The following GLT1D1 variants were observed in gnomAD, a reference collection of about 807,000 sequenced individuals.
The protein encoded by GLT1D1 is glycosyltransferase 1 domain-containing protein 1.
A neutral mutation model predicts 28.7 loss-of-function variants in GLT1D1; 21 were observed. The observed-to-expected ratio is 0.73, with a 90% CI of 0.52 to 1.05. The LOEUF (loss-of-function observed/expected upper bound fraction) is 1.05. Among genes scored for constraint, GLT1D1 ranks in the 50% least tolerant of loss-of-function variants. The pLI, the probability that GLT1D1 is intolerant of heterozygous loss-of-function variation, is 0.00. For missense variants in GLT1D1, 343 were observed against 330.6 expected (o/e 1.04, Z -0.29); for synonymous variants, 147 against 124.8 (o/e 1.18, Z -1.19).
chr12:128,957,483 A>T, intron 6 of GLT1D1, 62 bp from the exon 11 acceptor site: 1 of 1,149,794 alleles, frequency 8.7e-7, no homozygotes. Flanking sequence ...GCCCTGACTC[A>T]TCTTGCCGCA....
In GLT1D1 at chr12:128,876,066, A is replaced by T. The variant is rs1222271848; in HGVS notation, c.217+4A>T. ...AGGGGAGGCAGGCTTTTGCAAGGTA[A>T]TCCTCTTTTTCTTCAAAAGTAAAAC... On this transcript the variant is annotated splice_donor_region_variant and intron_variant, in intron 2 of 7. Transcript: ENST00000281703. The T allele has an allele frequency of 1.3e-6, 2 of 1,595,696 alleles. No homozygotes were observed. Among genetic ancestry groups the T allele is most frequent in the South Asian group, 1.1e-5 (1 of 87,730 alleles).
intron 7 of GLT1D1, among the ~76,000 whole-genome samples, chr12:128,970,246 G>T (rs544508242): frequency 6.6e-6 from 1 of 152,296 alleles, no homozygotes; most frequent in East Asian, 1.9e-4. Context: ...CTCAGCCCCT[G>T]CCTGTTGCAG....
intron 4 of GLT1D1, among the ~76,000 whole-genome samples, chr12:128,916,070 A>C (rs896442030): frequency 6.6e-6 from 1 of 152,194 alleles, no homozygotes. Context: ...TTCTTATCTT[A>C]GATTAGTTTT....
chr12:128,907,507 G>T (rs1190474166), intron 4 of GLT1D1, among the ~76,000 whole-genome samples: 2 of 151,940 alleles, frequency 1.3e-5, no homozygotes, highest in Admixed American at 1.3e-4. Flanking sequence ...AGGTTTCACC[G>T]TGTTAGCCAG....
At chr12:128,870,709 A>G (rs1176953510) in intron 1 of GLT1D1, among the ~76,000 whole-genome samples, 1 of 152,178 alleles carries the variant, frequency 6.6e-6, no homozygotes, top group Non-Finnish European at 1.5e-5. Flanking sequence ...TATGCTTAAT[A>G]GGCTGGGCAC....
intron 1 of GLT1D1, among the ~76,000 whole-genome samples, chr12:128,860,083 T>C (rs1217514564): frequency 6.6e-6 from 1 of 152,204 alleles, no homozygotes; most frequent in Non-Finnish European, 1.5e-5. Flanking sequence ...AATACCCTAA[T>C]GTGGCACCTA....
chr12:128,873,732 T>C (rs1054489566), intron 1 of GLT1D1, among the ~76,000 whole-genome samples: 3 of 152,212 alleles, frequency 2.0e-5, no homozygotes, highest in Admixed American at 6.5e-5. Context: ...ATATTGAGCA[T>C]CATTTTCTTT....
chr12:128,927,817 G>A (rs1009587819), intron 4 of GLT1D1, among the ~76,000 whole-genome samples: 1 of 151,126 alleles, frequency 6.6e-6, no homozygotes, highest in Non-Finnish European at 1.5e-5. Context: ...TGGACAACAT[G>A]GTGAAACCCC....
At chr12:128,919,023 C>T (rs1365300523) in intron 4 of GLT1D1, among the ~76,000 whole-genome samples, 1 of 152,198 alleles carries the variant, frequency 6.6e-6, no homozygotes, top group Non-Finnish European at 1.5e-5. Flanking sequence ...GGTTGTGGCT[C>T]TGATAGCTGA....
chr12:128,934,436 C>T (rs1404963533), intron 4 of GLT1D1, among the ~76,000 whole-genome samples: 3 of 152,124 alleles, frequency 2.0e-5, no homozygotes, highest in Non-Finnish European at 2.9e-5. Flanking sequence ...TCAGGTGATC[C>T]ACCCGCCTCG....
intron 4 of GLT1D1, among the ~76,000 whole-genome samples, chr12:128,911,297 C>T (rs896029764): frequency 6.6e-6 from 1 of 152,238 alleles, no homozygotes; most frequent in African/African-American, 2.4e-5. Flanking sequence ...GGGCCAGTCT[C>T]CTTCTTCCTG....
At chr12:128,879,383 T>C (rs1184863692) in intron 2 of GLT1D1, among the ~76,000 whole-genome samples, 15 of 31,138 alleles carry the variant, frequency 4.8e-4, no homozygotes, top group Middle Eastern at 0.016. Context: ...TTTCTTTTTC[T>C]TTCTTTCTTT....
intron 7 of GLT1D1, among the ~76,000 whole-genome samples, chr12:128,973,599 C>A (rs145957823): frequency 2.1e-3 from 315 of 152,126 alleles, no homozygotes; most frequent in Admixed American, 5.9e-3. Flanking sequence ...TGCTCTAACC[C>A]GCCAAGCCGT....
intron 7 of GLT1D1, among the ~76,000 whole-genome samples, chr12:128,971,605 T>C (rs1374154659): frequency 1.6e-4 from 4 of 25,370 alleles, no homozygotes; most frequent in Admixed American, 5.1e-4. Context: ...TCCTTTCCTC[T>C]CTCCCTTCCC....
At chr12:128,867,647 G>A (rs750826141) in intron 1 of GLT1D1, among the ~76,000 whole-genome samples, 17 of 152,272 alleles carry the variant, frequency 1.1e-4, no homozygotes, top group South Asian at 2.1e-4. Flanking sequence ...CCCAGCAGGC[G>A]CCAGTGCCTG....
chr12:128,927,592 A>C (rs1000044412), intron 4 of GLT1D1, among the ~76,000 whole-genome samples: 2 of 152,160 alleles, frequency 1.3e-5, no homozygotes, highest in Non-Finnish European at 2.9e-5. Flanking sequence ...AATGAAGTCA[A>C]TTTGCCTCTT....
intron 6 of GLT1D1, among the ~76,000 whole-genome samples, chr12:128,954,005 C>T (rs1008974011): frequency 6.6e-6 from 1 of 152,122 alleles, no homozygotes; most frequent in African/African-American, 2.4e-5. Context: ...CTTGGCCTCC[C>T]AAAGTTCTGG....
chr12:128,928,964 G>A (rs1180103193), intron 4 of GLT1D1, among the ~76,000 whole-genome samples: 1 of 152,148 alleles, frequency 6.6e-6, no homozygotes, highest in African/African-American at 2.4e-5. Flanking sequence ...TATGGCCTGA[G>A]TGTGTGCATC....
intron 7 of GLT1D1, among the ~76,000 whole-genome samples, chr12:128,973,309 A>C (rs927459505): frequency 7.3e-6 from 1 of 137,914 alleles, no homozygotes; most frequent in African/African-American, 2.7e-5. Flanking sequence ...CAGCCTCCCC[A>C]GTAGCTGGGA....
Sources: gnomAD v4.1 joint callset for allele counts (sites outside exome capture counted in the v4.1 genomes callset) on GRCh38, gnomAD v4.1.1 for gene constraint, MANE v1.5 for transcripts, NCBI Gene and HGNC (gene_info 2026-07-23, HGNC 2026-07-21) for gene names.